Variants in TSHZ2 observed in about 807,000 individuals in gnomAD.
TSHZ2 encodes the protein teashirt zinc finger homeobox 2, also known as teashirt homolog 2.
TSHZ2 carries 21 observed loss-of-function variants against 74.4 expected under a neutral mutation model. The ratio of observed to expected loss-of-function variants is 0.28; its 90% confidence interval spans 0.20 to 0.41. The LOEUF is 0.41. Among genes scored for constraint, TSHZ2 ranks in the 10% least tolerant of loss-of-function variants. The probability of loss-of-function intolerance (pLI) is 1.00; values close to 1 mark genes in which losing one functional copy is unlikely to be tolerated. For synonymous variants in TSHZ2, 540 were observed against 515.3 expected, an observed-to-expected ratio of 1.05 and a Z score of -0.65; for missense variants, 1,244 against 1,293.5, an observed-to-expected ratio of 0.96 and a Z score of 0.59.
chr20:53,426,229 GAAGA>G (rs1983650703), intron 2 of TSHZ2, among the ~76,000 whole-genome samples: 1 of 152,152 alleles, frequency 6.6e-6, no homozygotes, highest in Non-Finnish European at 1.5e-5. Context: ...AAATGGAGAA[GAAGA>G]AAGAGGAAAG....
chr20:53,223,593 G>C (rs1026093367), intron 1 of TSHZ2, among the ~76,000 whole-genome samples: 5 of 152,068 alleles, frequency 3.3e-5, no homozygotes, highest in African/African-American at 1.2e-4. Flanking sequence ...ACAGGATCTT[G>C]CTATGTTGCC....
At chr20:52,990,037 C>T (rs117879721) in intron 1 of TSHZ2, among the ~76,000 whole-genome samples, 506 of 151,782 alleles carry the variant, frequency 3.3e-3, no homozygotes, top group Non-Finnish European at 6.1e-3. Flanking sequence ...ATTCATTTAT[C>T]GGTTCCTCTG....
At position 53,359,399 on chromosome 20, in the gene TSHZ2, C is replaced by T. The variant is rs1257122990; in HGVS notation, c.*8+102828C>T. ...TAATACATGCCTACAATTCCTTAGC[C>T]GTGATTCTCAAATCAAAAAATCTCT... On this transcript the variant is annotated intron_variant, in intron 2 of 2. Transcript: ENST00000371497. Among the ~76,000 whole-genome samples the T allele has an allele frequency of 3.3e-5, 5 of 152,204 alleles. No individual in the cohort carries two copies. In the East Asian group the frequency reaches 5.8e-4, roughly 18 times the overall value.
intron 2 of TSHZ2, among the ~76,000 whole-genome samples, chr20:53,355,386 T>C (rs1256981444): frequency 1.3e-5 from 2 of 152,066 alleles, no homozygotes; most frequent in Non-Finnish European, 2.9e-5. Flanking sequence ...AGTGGACAAA[T>C]AAAATATGAT....
At chr20:53,073,712 T>A (rs1156597428) in intron 1 of TSHZ2, among the ~76,000 whole-genome samples, 1 of 152,210 alleles carries the variant, frequency 6.6e-6, no homozygotes, top group East Asian at 1.9e-4. Flanking sequence ...GTTTTGATAG[T>A]TGAAAAGAGT....
At chr20:53,247,738 T>C (rs557353971) in intron 1 of TSHZ2, among the ~76,000 whole-genome samples, 2 of 152,292 alleles carry the variant, frequency 1.3e-5, no homozygotes, top group East Asian at 1.9e-4. Context: ...GTGCGGTAGA[T>C]TGGCGAAAAC....
At chr20:53,107,971 T>C (rs1050084648) in intron 1 of TSHZ2, among the ~76,000 whole-genome samples, 3 of 152,232 alleles carry the variant, frequency 2.0e-5, no homozygotes, top group African/African-American at 7.2e-5. Context: ...CAGGGTAAGA[T>C]TTGTTATTTG....
intron 1 of TSHZ2, among the ~76,000 whole-genome samples, chr20:53,194,603 G>A (rs1049063559): frequency 6.6e-6 from 1 of 152,194 alleles, no homozygotes; most frequent in African/African-American, 2.4e-5. Context: ...TTTCAGGGTC[G>A]CTGTCCAAGA....
intron 2 of TSHZ2, among the ~76,000 whole-genome samples, chr20:53,452,430 T>C (rs1292772927): frequency 6.6e-6 from 1 of 152,124 alleles, no homozygotes; most frequent in African/African-American, 2.4e-5. Flanking sequence ...TGAAACCCCA[T>C]CTGTACTAAA....
At chr20:53,420,172 GA>G (rs1983418357) in intron 2 of TSHZ2, among the ~76,000 whole-genome samples, 1 of 152,186 alleles carries the variant, frequency 6.6e-6, no homozygotes, top group Non-Finnish European at 1.5e-5. Flanking sequence ...AACACAGAAA[GA>G]ATCAAATGCC....
chr20:53,045,960 G>T (rs1984212981), intron 1 of TSHZ2, among the ~76,000 whole-genome samples: 1 of 152,102 alleles, frequency 6.6e-6, no homozygotes, highest in African/African-American at 2.4e-5. Context: ...TCCTTTCTCT[G>T]TATCTGTTTC....
chr20:53,482,043 G>T (rs1986162476), intron 2 of TSHZ2, among the ~76,000 whole-genome samples: 2 of 144,384 alleles, frequency 1.4e-5, no homozygotes, highest in South Asian at 4.4e-4. Context: ...GGTAGAAGTT[G>T]CAGTGAGTCG....
chr20:53,213,510 CAACAAGAAAAATTG>C (rs1989360276), intron 1 of TSHZ2, among the ~76,000 whole-genome samples: 1 of 151,896 alleles, frequency 6.6e-6, no homozygotes, highest in South Asian at 2.1e-4. Flanking sequence ...ATTAATCAGT[CAACAAGAAAAATTG>C]AACTCTATAC....
intron 1 of TSHZ2, among the ~76,000 whole-genome samples, chr20:53,119,350 G>A (rs1315682558): frequency 1.3e-5 from 2 of 152,208 alleles, no homozygotes; most frequent in Non-Finnish European, 2.9e-5. Context: ...AACTGGATTT[G>A]TTGCCAGTTG....
In TSHZ2 at chr20:53,175,131, C is replaced by CTTTTTTTT. The variant is rs750453219; in HGVS notation, c.41-78347_41-78340dup. ...CTCCTTCTCCTCCTTCTTCTTCTTT[C>CTTTTTTTT]TTTTTTTTTTTTTTTTTTTTTTTTT... On this transcript the variant is annotated intron_variant, in intron 1 of 2. Coordinates refer to ENST00000371497, the MANE Select transcript of TSHZ2 (RefSeq NM_173485.6). 3.0e-3 allele frequency among the ~76,000 whole-genome samples: 189 copies of CTTTTTTTT among 63,632 alleles called. 13 individuals are homozygous for CTTTTTTTT. Among genetic ancestry groups the CTTTTTTTT allele is most frequent in the Middle Eastern group, 0.026 (2 of 76 alleles). 41.7% of individuals were successfully genotyped at this position (63,632 alleles called of 152,430 possible). A position where few individuals can be genotyped will look rare whatever the true frequency, so the allele number is the denominator to read the frequency against.
chr20:53,073,737 A>G (rs980859109), intron 1 of TSHZ2, among the ~76,000 whole-genome samples: 1 of 151,962 alleles, frequency 6.6e-6, no homozygotes, highest in African/African-American at 2.4e-5. Flanking sequence ...CTCATCTTTT[A>G]TTAACTCCAT....
At position 53,493,285 on chromosome 20, in the gene TSHZ2, T is replaced by C. The variant is rs948484990; in HGVS notation, c.*6150T>C. On this transcript the variant is annotated 3_prime_UTR_variant, in exon 3 of 3. Coordinates refer to ENST00000371497, the MANE Select transcript of TSHZ2 (RefSeq NM_173485.6). ...CTTATGAAAGAATTAGATCTGAGTT[T>C]ACAAAGAAACTATAAGAACCAAGTT... The C allele has an allele frequency of 2.6e-5, 4 of 152,228 alleles. No homozygotes were observed. The highest frequency in any genetic ancestry group is 9.6e-5 in the African/African-American group (4 of 41,462). The allele number at this position is 152,228 out of a possible 1,614,324, so 9.4% of individuals were successfully genotyped here.
At chr20:53,164,514 A>G (rs1465279985) in intron 1 of TSHZ2, among the ~76,000 whole-genome samples, 2 of 152,152 alleles carry the variant, frequency 1.3e-5, no homozygotes, top group Non-Finnish European at 2.9e-5. Flanking sequence ...GTCCAATAGA[A>G]CTTTCTGTGA....
chr20:53,391,818 C>A lies in TSHZ2; in HGVS notation c.*9-95326C>A, dbSNP rs1368202953. Among the ~76,000 whole-genome samples the A allele has an allele frequency of 2.0e-5, 3 of 152,116 alleles. No homozygotes were observed. In the East Asian group the frequency reaches 5.8e-4, roughly 29 times the overall value. ...ATTAGACAGACGTGGTGGTGTGCAC[C>A]TGTGATCCCAGCTAGTGGGGATATT... On this transcript the variant is annotated intron_variant, in intron 2 of 2. Transcript: ENST00000371497.
Sources: gnomAD v4.1 joint callset for allele counts (sites outside exome capture counted in the v4.1 genomes callset) on GRCh38, gnomAD v4.1.1 for gene constraint, MANE v1.5 for transcripts, NCBI Gene and HGNC (gene_info 2026-07-23, HGNC 2026-07-21) for gene names.